Variants in SNX29 observed in about 807,000 individuals in gnomAD.
SNX29 encodes the protein sorting nexin-29.
In SNX29, 78 loss-of-function variants were observed where a neutral mutation model predicts 102.1. That is an observed-to-expected ratio of 0.76 (90% CI 0.64 to 0.92). The LOEUF (loss-of-function observed/expected upper bound fraction) is 0.92. Ranked by LOEUF, SNX29 falls within the 40% of genes least tolerant of loss-of-function variation. The pLI, the probability that SNX29 is intolerant of heterozygous loss-of-function variation, is 0.00. For synonymous variants in SNX29, 580 were observed against 414.5 expected (o/e 1.40, Z -4.85); for missense variants, 1,280 against 1,061.7 (o/e 1.21, Z -2.86).
intron 13 of SNX29, among the ~76,000 whole-genome samples, chr16:12,198,786 C>T (rs757446204): frequency 6.6e-6 from 1 of 152,246 alleles, no homozygotes; most frequent in Non-Finnish European, 1.5e-5. Context: ...GAGAATACTG[C>T]AGGCTATTGT....
chr16:12,538,100 C>A (rs1474223641), intron 20 of SNX29, among the ~76,000 whole-genome samples: 1 of 147,654 alleles, frequency 6.8e-6, no homozygotes, highest in Non-Finnish European at 1.5e-5. Context: ...AAATTCACAG[C>A]TTTCTGCATT....
chr16:12,530,540 CGT>C (rs1491352866), intron 20 of SNX29, among the ~76,000 whole-genome samples: 11 of 132,300 alleles, frequency 8.3e-5, no homozygotes, highest in South Asian at 2.7e-4. Context: ...AATTTGCCTT[CGT>C]TTTTTTTTTT....
intron 15 of SNX29, among the ~76,000 whole-genome samples, chr16:12,346,135 G>A (rs970835684): frequency 4.6e-5 from 7 of 152,030 alleles, no homozygotes; most frequent in African/African-American, 1.7e-4. Context: ...TCATTTGAGC[G>A]TCAGCTGGTG....
chr16:12,559,586 G>A (rs950403027), intron 20 of SNX29, among the ~76,000 whole-genome samples: 2 of 151,808 alleles, frequency 1.3e-5, no homozygotes, highest in African/African-American at 4.9e-5. Flanking sequence ...CATCCCTGGT[G>A]CCAAAAAGGT....
intron 15 of SNX29, among the ~76,000 whole-genome samples, chr16:12,316,033 C>A (rs933836139): frequency 1.3e-5 from 2 of 152,126 alleles, no homozygotes; most frequent in African/African-American, 2.4e-5. Flanking sequence ...CTGAGTGCTC[C>A]GAAGAAGGCA....
chr16:12,364,421 T>C (rs894413105), intron 16 of SNX29, among the ~76,000 whole-genome samples: 372 of 152,014 alleles, frequency 2.4e-3, no homozygotes, highest in African/African-American at 8.7e-3. Flanking sequence ...TTCTTCTTTT[T>C]TTTTTTTTTT....
At chr16:12,160,826 G>A (rs1430089802) in intron 13 of SNX29, among the ~76,000 whole-genome samples, 3 of 152,220 alleles carry the variant, frequency 2.0e-5, no homozygotes, top group Non-Finnish European at 2.9e-5. Flanking sequence ...TGTTAGTGCT[G>A]TCCCCCATTT....
chr16:12,144,846 C>A (rs1305896668), intron 13 of SNX29, among the ~76,000 whole-genome samples: 1 of 152,204 alleles, frequency 6.6e-6, no homozygotes, highest in South Asian at 2.1e-4. Flanking sequence ...CTCAGCCTCC[C>A]CAGTAGCTGG....
intron 14 of SNX29, among the ~76,000 whole-genome samples, chr16:12,275,739 TTTTA>T (rs761818982): frequency 1.2e-4 from 19 of 152,014 alleles, no homozygotes; most frequent in Non-Finnish European, 2.6e-4. Context: ...CTTTTTTTGC[TTTTA>T]TTGTTATTTT....
At chr16:12,301,292 C>A (rs758240780) in intron 15 of SNX29, among the ~76,000 whole-genome samples, 1 of 152,210 alleles carries the variant, frequency 6.6e-6, no homozygotes, top group African/African-American at 2.4e-5. Flanking sequence ...ATTCCAAATC[C>A]GCCCACGCTC....
chr16:12,148,283 A>G (rs1363628562), intron 13 of SNX29, among the ~76,000 whole-genome samples: 1 of 152,152 alleles, frequency 6.6e-6, no homozygotes, highest in Non-Finnish European at 1.5e-5. Flanking sequence ...TCCATGTTGA[A>G]AAGGCCACTT....
intron 15 of SNX29, among the ~76,000 whole-genome samples, chr16:12,310,319 G>A (rs1306924375): frequency 6.6e-6 from 1 of 152,162 alleles, no homozygotes; most frequent in African/African-American, 2.4e-5. Flanking sequence ...CCCCTCCTAG[G>A]TTTTTATCCT....
Position 12,570,036 on chromosome 16 carries a change from C to T in SNX29, c.*1407C>T, listed in dbSNP as rs547789640. ...AACTGCCCAGGTGAGCATGGAGCAT[C>T]TCCTAGGCTCGAGGACATCTCTGGA... On this transcript the variant is annotated 3_prime_UTR_variant, in exon 21 of 21. Coordinates refer to ENST00000566228, the MANE Select transcript of SNX29 (RefSeq NM_032167.5). 3 of 423,198 alleles carry T rather than the reference C, an allele frequency of 7.1e-6. No homozygotes were observed. The highest frequency in any genetic ancestry group is 2.1e-5 in the African/African-American group (1 of 48,654). 26.2% of individuals were successfully genotyped at this position (423,198 alleles called of 1,614,324 possible). A position where few individuals can be genotyped will look rare whatever the true frequency, so the allele number is the denominator to read the frequency against.
chr16:12,339,894 G>T lies in SNX29; in HGVS notation c.1783-16269G>T, dbSNP rs145986598. ...GGCCAGGGCACGTGGCCAACAGTCA[G>T]TGGGGGCGTTTGGTCAGCTTCCCCA... On this transcript the variant is annotated intron_variant, in intron 15 of 20. Transcript: ENST00000566228. Among the ~76,000 whole-genome samples, 84 of 152,318 alleles carry T rather than the reference G, an allele frequency of 5.5e-4. 1 individual carries two copies. The East Asian group carries it at 0.014, about 26-fold the overall frequency.
rs1045277763 is a variant in SNX29 at position 12,554,775 on chromosome 16, C to A, written c.2319-13731C>A. 4.0e-5 allele frequency among the ~76,000 whole-genome samples: 6 copies of A among 150,190 alleles called. No individual in the cohort carries two copies. The East Asian group carries it at 7.7e-4, about 19-fold the overall frequency. On this transcript the variant is annotated intron_variant, in intron 20 of 20. Transcript: ENST00000566228. Reference sequence around the variant, plus strand: ...GTATTAGAACGTGCTCTCTCCCCCGCCATAGAATGCAATTGTTTATTCTAG... The same window carrying A: ...GTATTAGAACGTGCTCTCTCCCCCGACATAGAATGCAATTGTTTATTCTAG...
At chr16:12,324,965 G>T (rs2081073688) in intron 15 of SNX29, among the ~76,000 whole-genome samples, 1 of 152,092 alleles carries the variant, frequency 6.6e-6, no homozygotes, top group Non-Finnish European at 1.5e-5. Context: ...TACTCAGGAG[G>T]GTTTTTTCTC....
chr16:12,544,025 C>T (rs1482126568), intron 20 of SNX29, among the ~76,000 whole-genome samples: 1 of 152,204 alleles, frequency 6.6e-6, no homozygotes, highest in Non-Finnish European at 1.5e-5. Flanking sequence ...ACTCTAGACC[C>T]CGTTGACTCA....
chr16:12,080,182 G>C (rs1362172881), intron 11 of SNX29, among the ~76,000 whole-genome samples: 1 of 152,128 alleles, frequency 6.6e-6, no homozygotes, highest in Non-Finnish European at 1.5e-5. Flanking sequence ...TCATGTCATG[G>C]TCCCCCTTGG....
intron 18 of SNX29, among the ~76,000 whole-genome samples, chr16:12,432,580 G>A (rs966135573): frequency 8.5e-5 from 13 of 152,316 alleles, no homozygotes; most frequent in South Asian, 2.1e-4. Flanking sequence ...GGAACAGCAC[G>A]CTATGTATAA....
Sources: gnomAD v4.1 joint callset for allele counts (sites outside exome capture counted in the v4.1 genomes callset) on GRCh38, gnomAD v4.1.1 for gene constraint, MANE v1.5 for transcripts, NCBI Gene and HGNC (gene_info 2026-07-23, HGNC 2026-07-21) for gene names.